Variants in OPHN1 observed in about 807,000 individuals in gnomAD.
The protein encoded by OPHN1 is oligophrenin-1.
Under a neutral mutation model 60.7 loss-of-function variants are expected in OPHN1, and 11 were observed. The ratio of observed to expected loss-of-function variants is 0.18; its 90% CI spans 0.11 to 0.30. The LOEUF is 0.30. Among genes scored for constraint, OPHN1 ranks in the 10% least tolerant of loss-of-function variants. The probability of loss-of-function intolerance (pLI) is 1.00; values close to 1 mark genes in which losing one functional copy is unlikely to be tolerated. For synonymous variants in OPHN1, 226 were observed against 222.6 expected, an observed-to-expected ratio of 1.02 and a Z score of -0.14; for missense variants, 449 against 611.0, an observed-to-expected ratio of 0.73 and a Z score of 2.80.
chrX:68,056,689 A>G (rs1014618803), intron 21 of OPHN1, among the ~76,000 whole-genome samples: 1 of 111,426 alleles, frequency 9.0e-6, no homozygotes, highest in African/African-American at 3.3e-5. Context: ...AATGTTTACA[A>G]TAAGCTTGAG....
chrX:68,093,798 A>G (rs1289205353), intron 19 of OPHN1, among the ~76,000 whole-genome samples: 3 of 110,702 alleles, frequency 2.7e-5, no homozygotes, highest in Non-Finnish European at 5.7e-5. Flanking sequence ...TTCTTTGTAT[A>G]GTCTAGATAT....
chrX:68,066,755 C>T (rs1311421511), intron 20 of OPHN1, among the ~76,000 whole-genome samples: 3 of 111,786 alleles, frequency 2.7e-5, no homozygotes, highest in Admixed American at 9.5e-5. Context: ...CTAAGACACC[C>T]GCAGTCTCCA....
intron 19 of OPHN1, 31 bp downstream of exon 19, chrX:68,096,838 GA>G: frequency 8.4e-7 from 1 of 1,197,057 alleles, no homozygotes; most frequent in Non-Finnish European, 1.1e-6. Flanking sequence ...CACATGTTTG[GA>G]AGACAGGTAG....
At chrX:68,058,502 G>A (rs193016640) in intron 21 of OPHN1, among the ~76,000 whole-genome samples, 11 of 111,506 alleles carry the variant, frequency 9.9e-5, no homozygotes, top group African/African-American at 2.9e-4. Flanking sequence ...TAGACCTTGA[G>A]GTTAGTTCGC....
intron 2 of OPHN1, among the ~76,000 whole-genome samples, chrX:68,378,558 G>A (rs1162287786): frequency 3.6e-5 from 4 of 111,584 alleles, no homozygotes; most frequent in East Asian, 5.6e-4. Flanking sequence ...GGGTTTTTAC[G>A]GTTTTAGGTC....
intron 4 of OPHN1, among the ~76,000 whole-genome samples, chrX:68,277,619 G>A (rs1257613412): frequency 9.0e-6 from 1 of 110,832 alleles, no homozygotes; most frequent in Admixed American, 9.6e-5. Context: ...GTGAAACCCC[G>A]TCTCTGCTAC....
intron 6 of OPHN1, among the ~76,000 whole-genome samples, chrX:68,225,376 G>T (rs1022910259): frequency 9.0e-6 from 1 of 111,647 alleles, no homozygotes; most frequent in African/African-American, 3.3e-5. Context: ...GAGAGTAGTG[G>T]TTCTCCCAGC....
At chrX:68,386,078 T>C (rs1020094292) in intron 2 of OPHN1, among the ~76,000 whole-genome samples, 1 of 112,214 alleles carries the variant, frequency 8.9e-6, no homozygotes, top group African/African-American at 3.2e-5. Context: ...TATTCTGCCT[T>C]ATAGATTAGA....
intron 6 of OPHN1, among the ~76,000 whole-genome samples, chrX:68,225,703 C>A (rs775137629): frequency 8.9e-6 from 1 of 112,053 alleles, no homozygotes; most frequent in Non-Finnish European, 1.9e-5. Context: ...AGGACATCCA[C>A]ACCAAAACCC....
chrX:68,098,857 A>G (rs2077047487), intron 18 of OPHN1, among the ~76,000 whole-genome samples: 1 of 111,335 alleles, frequency 9.0e-6, no homozygotes, highest in Admixed American at 9.5e-5. Context: ...CAGAATCATC[A>G]CAACTCCAAA....
chrX:68,305,450 A>C (rs952228638), intron 2 of OPHN1, among the ~76,000 whole-genome samples: 1 of 112,409 alleles, frequency 8.9e-6, no homozygotes, highest in Admixed American at 9.5e-5. Flanking sequence ...ATCTAGAAAG[A>C]CATGGGTCAT....
At chrX:68,157,463 G>A (rs774708129) in intron 15 of OPHN1, among the ~76,000 whole-genome samples, 7 of 111,704 alleles carry the variant, frequency 6.3e-5, no homozygotes, top group South Asian at 3.8e-4. Flanking sequence ...AATTTTAAGC[G>A]AACTAATGCG....
chrX:68,052,891 C>T (rs1320180956), intron 22 of OPHN1, among the ~76,000 whole-genome samples: 2 of 112,585 alleles, frequency 1.8e-5, no homozygotes, highest in Admixed American at 9.4e-5. Flanking sequence ...TAATTGTTGG[C>T]TTTTTGTAAA....
intron 15 of OPHN1, 166 bp downstream of exon 15, chrX:68,192,753 C>T: frequency 2.0e-5 from 9 of 456,603 alleles, no homozygotes; most frequent in Non-Finnish European, 2.3e-5. Context: ...TTTCAAGGTA[C>T]GATTGACTCT....
rs2077500370 is a variant in OPHN1, at chrX:68,194,023, T to C, written c.1139-71A>G. On this transcript the variant is annotated intron_variant, in intron 13 of 24. Coordinates refer to ENST00000355520, the MANE Select transcript of OPHN1 (RefSeq NM_002547.3). ...TCACCTATTAAACATTTAATGACCATGCAAAGGGACTGCATTGAGAGAGCT... is the reference window on the plus strand; with the variant it reads ...TCACCTATTAAACATTTAATGACCACGCAAAGGGACTGCATTGAGAGAGCT... The C allele has an allele frequency of 3.3e-6, 3 of 897,637 alleles. No individual in the cohort carries two copies. The South Asian group carries it at 6.0e-5, about 18-fold the overall frequency. The allele number at this position is 897,637 out of a possible 1,213,427, so 74.0% of individuals were successfully genotyped here. A position where few individuals can be genotyped will look rare whatever the true frequency, so the allele number is the denominator to read the frequency against.
At chrX:68,064,242 C>T (rs921846200) in intron 20 of OPHN1, 65 bp from the exon 21 acceptor site, 1 of 1,043,016 alleles carries the variant, frequency 9.6e-7, no homozygotes, top group Non-Finnish European at 1.3e-6. Context: ...CATTTTGATA[C>T]ATGCATACAT....
At chrX:68,098,372 G>A (rs1347310597) in intron 18 of OPHN1, among the ~76,000 whole-genome samples, 1 of 111,578 alleles carries the variant, frequency 9.0e-6, no homozygotes, top group African/African-American at 3.3e-5. Context: ...AACAGTCCTG[G>A]AGGCAGCCAA....
intron 6 of OPHN1, among the ~76,000 whole-genome samples, chrX:68,227,344 T>G (rs1214577836): frequency 9.1e-6 from 1 of 110,085 alleles, no homozygotes. Context: ...ATTAAACAGA[T>G]CAACGAGACA....
chrX:68,133,417 C>CA, intron 15 of OPHN1: 1 of 760,560 alleles, frequency 1.3e-6, no homozygotes, highest in Non-Finnish European at 2.0e-6. Flanking sequence ...CGGTATGGGA[C>CA]AAGGCCAACA....
Sources: allele counts gnomAD v4.1 joint callset (sites outside exome capture counted in the v4.1 genomes callset), GRCh38; gene constraint gnomAD v4.1.1; transcripts MANE v1.5; gene names NCBI Gene and HGNC (gene_info 2026-07-23, HGNC 2026-07-21).